Variants in BRSK1 observed in about 807,000 individuals in gnomAD.
The protein encoded by BRSK1 is serine/threonine-protein kinase BRSK1.
BRSK1 carries 17 observed loss-of-function variants against 86.2 expected under a neutral mutation model. The observed-to-expected ratio is 0.20, with a 90% CI of 0.14 to 0.30. The LOEUF (loss-of-function observed/expected upper bound fraction) is 0.30. Among genes scored for constraint, BRSK1 ranks in the 10% least tolerant of loss-of-function variants. The probability of loss-of-function intolerance (pLI) is 1.00; values close to 1 mark genes in which losing one functional copy is unlikely to be tolerated. For synonymous variants in BRSK1, 464 were observed against 440.1 expected (o/e 1.05, Z -0.68); for missense variants, 719 against 1,071.9 (o/e 0.67, Z 4.60).
Position 55,293,280 on chromosome 19 carries a change from G to A in BRSK1, c.459-737G>A, listed in dbSNP as rs544621569. 7.8e-4 allele frequency among the ~76,000 whole-genome samples: 119 copies of A among 152,240 alleles called. 2 individuals carry two copies. The highest frequency in any genetic ancestry group is 2.7e-3 in the African/African-American group (111 of 41,558). On this transcript the variant is annotated intron_variant, in intron 4 of 18. Transcript: ENST00000309383. ...TGAACCCGGGAGGTTGTGGTGAGCC[G>A]AGATCACGCCATTGCACTCCAGCCT... is the stretch of plus-strand genomic sequence containing the variant.
chr19:55,287,048 G>A lies in BRSK1; in HGVS notation c.178G>A (p.Val60Ile), dbSNP rs747229712. ...GGTCCACTGCATCACGGGTCAGAAGGTCGCCATCAAGATCGTGAACCGGGA... is the reference window on the plus strand; with the variant it reads ...GGTCCACTGCATCACGGGTCAGAAGATCGCCATCAAGATCGTGAACCGGGA... ...LGVHCITGQKVAIKIVNREKL... is the reference protein window; with the variant it reads ...LGVHCITGQKIAIKIVNREKL... The change falls in exon 2 of 19, where the codon GTC becomes ATC. Residue 60 changes from valine (V) to isoleucine (I), a missense_variant. Coordinates refer to ENST00000309383, the MANE Select transcript of BRSK1 (RefSeq NM_032430.2). This position sits in a 1 kb window ranked among gnomAD's most constrained non-coding sequence, Gnocchi z 5.3. The A allele has an allele frequency of 6.2e-7, 1 of 1,613,720 alleles. No individual in the cohort carries two copies.
At chr19:55,286,504 A>T (rs2088318871) in intron 1 of BRSK1, among the ~76,000 whole-genome samples, 1 of 147,722 alleles carries the variant, frequency 6.8e-6, no homozygotes, top group Non-Finnish European at 1.5e-5. Context: ...CAAATGTGAG[A>T]TTATATTCAC....
At chr19:55,295,169 C>T (rs539944375) in intron 7 of BRSK1, among the ~76,000 whole-genome samples, 1 of 152,064 alleles carries the variant, frequency 6.6e-6, no homozygotes, top group Non-Finnish European at 1.5e-5. Context: ...GTCGCCCAGG[C>T]TGGAGTGCAG....
At position 55,287,361 on chromosome 19, in the gene BRSK1, C is replaced by A. The variant is rs1225672401; in HGVS notation, c.317+62C>A. The A allele has an allele frequency of 7.9e-6, 12 of 1,525,832 alleles. No individual in the cohort carries two copies. Among genetic ancestry groups the A allele is most frequent in the Non-Finnish European group, 8.2e-6 (9 of 1,101,636 alleles). The allele number at this position is 1,525,832 out of a possible 1,614,324, so 94.5% of individuals were successfully genotyped here. ...CCCTCTCCAGGTTACCAGGGTGGGA[C>A]TTCTCCAGAAACAGGGCCTAGGGGG... On this transcript the variant is annotated intron_variant, in intron 3 of 18. Transcript: ENST00000309383. This position sits in a 1 kb window ranked among gnomAD's most constrained non-coding sequence, Gnocchi z 5.3.
chr19:55,307,106 G>T (rs564469536), intron 17 of BRSK1, among the ~76,000 whole-genome samples: 1 of 152,296 alleles, frequency 6.6e-6, no homozygotes, highest in African/African-American at 2.4e-5. Context: ...TGAGCATTTG[G>T]ATAGGGAGGG....
At chr19:55,290,710 C>T (rs368673132) in intron 4 of BRSK1, among the ~76,000 whole-genome samples, 9 of 151,426 alleles carry the variant, frequency 5.9e-5, no homozygotes, top group East Asian at 3.9e-4. Flanking sequence ...GGCGCGATCT[C>T]GGCTCACTGC....
At chr19:55,309,658 C>T (rs2088737108) in intron 18 of BRSK1, among the ~76,000 whole-genome samples, 2 of 152,148 alleles carry the variant, frequency 1.3e-5, no homozygotes, top group Admixed American at 6.5e-5. Context: ...CCCTCATGAC[C>T]TCATCACCTC....
rs2088583394 is a variant in BRSK1 at position 55,302,311 on chromosome 19, A to G, written c.857+143A>G. 3 of 948,564 alleles carry G rather than the reference A, an allele frequency of 3.2e-6. No homozygotes were observed. In the Admixed American group the frequency reaches 5.2e-5, roughly 16 times the overall value. The allele number at this position is 948,564 out of a possible 1,614,324, so 58.8% of individuals were successfully genotyped here. ...ACTCGGACTTATGGGTCCTGGGGGA[A>G]GAGGACACAGCTAGAGAAGGAGTCT... On this transcript the variant is annotated intron_variant, in intron 9 of 18. Transcript: ENST00000309383. This position sits in a 1 kb window ranked among gnomAD's most constrained non-coding sequence, Gnocchi z 6.3.
intron 1 of BRSK1, 73 bp downstream of exon 1, chr19:55,284,651 A>G: frequency 8.2e-7 from 1 of 1,218,872 alleles, no homozygotes; most frequent in Non-Finnish European, 1.0e-6. Context: ...GACTCAGGGT[A>G]TTCAAATGGC....
intron 7 of BRSK1, among the ~76,000 whole-genome samples, chr19:55,295,024 A>T (rs1474817476): frequency 6.6e-6 from 1 of 151,810 alleles, no homozygotes; most frequent in Non-Finnish European, 1.5e-5. Flanking sequence ...TTGGTTTCGA[A>T]CTCCTGGCCT....
intron 7 of BRSK1, among the ~76,000 whole-genome samples, chr19:55,299,071 G>C (rs546373272): frequency 3.9e-5 from 6 of 152,094 alleles, no homozygotes; most frequent in Non-Finnish European, 5.9e-5. Context: ...CAGGAGAATC[G>C]CTTGAACCCG....
Position 55,311,920 on chromosome 19 carries a change from A to G in BRSK1, c.2189A>G (p.Asn730Ser). The change falls in exon 19 of 19, where the codon AAC becomes AGC. Residue 730 changes from asparagine to serine, a missense_variant. Asn to Ser is a conservative substitution (Grantham distance 46). Transcript: ENST00000309383. ...TCTTCCTCCCTTGCAGACGAGAAGA[A>G]CGGGGCCCAGACCCGGCCTGCTGGT... is the stretch of plus-strand genomic sequence containing the variant. ...PSVQALADEK[N>S]GAQTRPAGAP... 6.2e-7 allele frequency: 1 copy of G among 1,611,722 alleles called. No homozygotes were observed. The highest frequency in any genetic ancestry group is 8.5e-7 in the Non-Finnish European group (1 of 1,179,216).
chr19:55,306,221 T>C lies in BRSK1; in HGVS notation c.1891-31T>C, dbSNP rs775076271. On this transcript the variant is annotated intron_variant, in intron 16 of 18. Transcript: ENST00000309383. The surrounding 1 kb of genome is among the most constrained non-coding windows in gnomAD (Gnocchi z 4.7). ...GGGGCTGGGTATCCATTTCCTGGGC[T>C]CACCCCTTCCTGTGTTCCTACCTCG... 1.2e-6 allele frequency: 2 copies of C among 1,610,710 alleles called. No homozygotes were observed. Among genetic ancestry groups the C allele is most frequent in the East Asian group, 4.5e-5 (2 of 44,812 alleles).
intron 8 of BRSK1, 54 bp downstream of exon 8, chr19:55,301,712 A>AC: frequency 6.4e-7 from 1 of 1,573,246 alleles, no homozygotes; most frequent in Admixed American, 1.8e-5. Flanking sequence ...TGAAGACAGA[A>AC]CCCCCTAGAA....
intron 1 of BRSK1, among the ~76,000 whole-genome samples, chr19:55,286,694 CGGT>C (rs1568978177): frequency 1.4e-5 from 2 of 148,114 alleles, no homozygotes; most frequent in African/African-American, 5.1e-5. Context: ...CGGGGAGACA[CGGT>C]GAGGAAAGAA....
Position 55,305,250 on chromosome 19 carries a change from T to A in BRSK1, c.1718-71T>A, listed in dbSNP as rs73605132. 478 of 1,580,020 alleles carry A rather than the reference T, an allele frequency of 3.0e-4. 1 individual carries two copies. In the African/African-American group the frequency reaches 3.1e-3, roughly 10 times the overall value. On this transcript the variant is annotated intron_variant, in intron 14 of 18. Coordinates refer to ENST00000309383, the MANE Select transcript of BRSK1 (RefSeq NM_032430.2). ...CTCTGGAACCCTGGGAGGGGGCGAGTGCAGGCCTGTGTGCTGGCAACTGGG... is the reference window on the plus strand; with the variant it reads ...CTCTGGAACCCTGGGAGGGGGCGAGAGCAGGCCTGTGTGCTGGCAACTGGG...
intron 3 of BRSK1, 25 bp from the exon 4 acceptor site, chr19:55,289,455 C>T: frequency 6.2e-7 from 1 of 1,603,982 alleles, no homozygotes; most frequent in Non-Finnish European, 8.5e-7. Flanking sequence ...CCCTTCCAGC[C>T]CTCTGCCCCC....
chr19:55,311,644 C>A (rs2123016458), intron 18 of BRSK1, among the ~76,000 whole-genome samples: 1 of 152,304 alleles, frequency 6.6e-6, no homozygotes, highest in South Asian at 2.1e-4. Flanking sequence ...GGCCCAGGCC[C>A]CCTTGGACTA....
chr19:55,308,592 G>A (rs370198679), intron 17 of BRSK1, 47 bp from the exon 18 acceptor site: 27 of 1,498,372 alleles, frequency 1.8e-5, no homozygotes, highest in East Asian at 9.2e-5. Flanking sequence ...CGGCCTTCCC[G>A]GTCCTGGACC....
Sources: allele counts gnomAD v4.1 joint callset (sites outside exome capture counted in the v4.1 genomes callset), GRCh38; gene constraint gnomAD v4.1.1; non-coding constraint Gnocchi (gnomAD v3.1); transcripts MANE v1.5; gene names NCBI Gene and HGNC (gene_info 2026-07-23, HGNC 2026-07-21).